SGSM2: variants seen among roughly 807,000 people sequenced by gnomAD.
SGSM2 encodes small G protein signaling modulator 2, also known as RUN and TBC1 domain containing 1.
A neutral mutation model predicts 126.6 loss-of-function variants in SGSM2; 89 were observed. The observed-to-expected ratio is 0.70, with a 90% CI of 0.59 to 0.84. SGSM2 has a LOEUF of 0.84. Among genes scored for constraint, SGSM2 ranks in the 40% least tolerant of loss-of-function variants. SGSM2 has a pLI of 0.00. For missense variants in SGSM2, 1,404 were observed against 1,416.6 expected (o/e 0.99, Z 0.14); for synonymous variants, 614 against 574.3 (o/e 1.07, Z -0.99).
At chr17:2,376,288 G>T (rs2066147034) in intron 19 of SGSM2, 27 bp downstream of exon 19, 1 of 1,602,078 alleles carries the variant, frequency 6.2e-7, no homozygotes, top group Admixed American at 1.7e-5. Flanking sequence ...GGCTCAGGGT[G>T]GGAGGCGGGA....
Position 2,373,028 on chromosome 17 carries a change from C to G in SGSM2, c.1864C>G (p.Pro622Ala). The G allele has an allele frequency of 5.0e-6, 8 of 1,606,022 alleles. No individual in the cohort carries two copies. The highest frequency in any genetic ancestry group is 5.9e-6 in the Non-Finnish European group (7 of 1,176,656). The change falls in exon 16 of 24, where the codon CCC becomes GCC. Residue 622 changes from proline to alanine, a missense_variant. Transcript: ENST00000268989. ...IEHEIRKDVW[P>A]FLLGHYKFGM... ...GCACGAGATCCGCAAGGACGTCTGG[C>G]CCTTTCTGCTTGGCCACTACAAGTT... is the stretch of plus-strand genomic sequence containing the variant.
chr17:2,351,849 C>T (rs1179514840), intron 2 of SGSM2, among the ~76,000 whole-genome samples: 5 of 152,180 alleles, frequency 3.3e-5, no homozygotes, highest in African/African-American at 4.8e-5. Flanking sequence ...AGTCCAGTTG[C>T]GAATGTTGCT....
chr17:2,378,928 CAGCCTCAGCCT>C lies in SGSM2; in HGVS notation c.2900-107_2900-97del, dbSNP rs1567854862. 2.4e-4 allele frequency: 281 copies of C among 1,178,666 alleles called. No homozygotes were observed. The African/African-American group carries it at 5.1e-3, about 21-fold the overall frequency. 73.0% of individuals were successfully genotyped at this position (1,178,666 alleles called of 1,614,324 possible). ...CCAGCATCAGCCCCAGCCCCAGCCT[CAGCCTCAGCCT>C]CAGCCCCAGCCTCAATCCCAGCCTC... is the stretch of plus-strand genomic sequence containing the variant. On this transcript the variant is annotated intron_variant, in intron 22 of 23. Transcript: ENST00000268989.
intron 2 of SGSM2, among the ~76,000 whole-genome samples, chr17:2,346,183 T>C (rs1463652106): frequency 1.3e-5 from 2 of 152,226 alleles, no homozygotes; most frequent in East Asian, 3.9e-4. Context: ...AATGGGAGTA[T>C]AGAGAACGTG....
intron 2 of SGSM2, among the ~76,000 whole-genome samples, chr17:2,344,150 G>A (rs1172965323): frequency 6.6e-6 from 1 of 152,198 alleles, no homozygotes; most frequent in African/African-American, 2.4e-5. Flanking sequence ...GCTAGGAGAG[G>A]TGGCTAAGGC....
intron 2 of SGSM2, among the ~76,000 whole-genome samples, chr17:2,360,234 C>T (rs1021157190): frequency 3.9e-5 from 6 of 152,082 alleles, no homozygotes; most frequent in African/African-American, 1.4e-4. Context: ...CTCAGCTACT[C>T]GGGAGGCTGA....
chr17:2,367,565 A>C lies in SGSM2; in HGVS notation c.1423+160A>C, dbSNP rs1369749523. 1.3e-5 allele frequency among the ~76,000 whole-genome samples: 2 copies of C among 152,096 alleles called. No homozygotes were observed. The highest frequency in any genetic ancestry group is 2.9e-5 in the Non-Finnish European group (2 of 68,008). On this transcript the variant is annotated intron_variant, in intron 12 of 23. Coordinates refer to ENST00000268989, the MANE Select transcript of SGSM2 (RefSeq NM_014853.3). The surrounding 1 kb of genome is among the most constrained non-coding windows in gnomAD (Gnocchi z 4.0). ...GGGGCAGATCAGGGAGGGCAGAAGG[A>C]GGCCAGACAGGTGCTGGCAAGAAAA...
chr17:2,364,106 T>A lies in SGSM2; in HGVS notation c.855T>A (p.Ser285=). The A allele has an allele frequency of 6.2e-7, 1 of 1,614,012 alleles. No individual in the cohort carries two copies. The highest frequency in any genetic ancestry group is 8.5e-7 in the Non-Finnish European group (1 of 1,180,008). Residue 285 remains serine (S), a synonymous_variant, in exon 8 of 24, where the codon TCT becomes TCA. Coordinates refer to ENST00000268989, the MANE Select transcript of SGSM2 (RefSeq NM_014853.3). ...AVPGYLSLHQ[S]AESLTLKWTP... ...CTGGCTACCTCTCCCTGCACCAGTC[T>A]GCAGAGAGCCTGACTCTGAAGTGGA...
At chr17:2,361,491 A>C in intron 2 of SGSM2, 146 bp from the exon 3 acceptor site, 20 of 965,244 alleles carry the variant, frequency 2.1e-5, no homozygotes, top group East Asian at 2.7e-5. Context: ...GGGGAGGGGA[A>C]TTTTGGAAGG....
chr17:2,366,896 T>C (rs2065612708), intron 11 of SGSM2: 3 of 192,252 alleles, frequency 1.6e-5, no homozygotes, highest in East Asian at 1.3e-4. Flanking sequence ...TGAGAGGAGC[T>C]AGAGAACGAT....
rs150219257 is a variant in SGSM2, at chr17:2,365,334, C to G, written c.1281C>G (p.His427Gln). The part of the protein sequence containing the change: ...VFRIIYPGHR[H>Q]EHITINYHHL... ...GGATCATCTACCCCGGCCACAGGCACGAGCACAGTGAGTGTCCCGAGCTTC... is the reference window on the plus strand; with the variant it reads ...GGATCATCTACCCCGGCCACAGGCAGGAGCACAGTGAGTGTCCCGAGCTTC... The change falls in exon 11 of 24, where the codon CAC becomes CAG. Residue 427 changes from histidine to glutamine, a missense_variant. Transcript: ENST00000268989. 4 of 1,558,386 alleles carry G rather than the reference C, an allele frequency of 2.6e-6. No homozygotes were observed. The highest frequency in any genetic ancestry group is 3.5e-6 in the Non-Finnish European group (4 of 1,149,668).
In SGSM2 at chr17:2,372,886, G is replaced by A; in HGVS notation, c.1789-67G>A. 3 of 1,530,318 alleles carry A rather than the reference G, an allele frequency of 2.0e-6. No individual in the cohort carries two copies. Among genetic ancestry groups the A allele is most frequent in the South Asian group, 1.2e-5 (1 of 80,994 alleles). 94.8% of individuals were successfully genotyped at this position (1,530,318 alleles called of 1,614,324 possible). A position where few individuals can be genotyped will look rare whatever the true frequency, so the allele number is the denominator to read the frequency against. On this transcript the variant is annotated intron_variant, in intron 15 of 23. Coordinates refer to ENST00000268989, the MANE Select transcript of SGSM2 (RefSeq NM_014853.3). This position sits in a 1 kb window ranked among gnomAD's most constrained non-coding sequence, Gnocchi z 6.0. ...CGCCCCAGCCCATTCTCCGTGGGATGGGGCTCACCCAGCTGGGCCACGGTG... is the reference window on the plus strand; with the variant it reads ...CGCCCCAGCCCATTCTCCGTGGGATAGGGCTCACCCAGCTGGGCCACGGTG...
At position 2,365,217 on chromosome 17, in the gene SGSM2, G is replaced by C; in HGVS notation, c.1164G>C (p.Gly388=). Residue 388 remains glycine, a splice_region_variant and synonymous_variant, in exon 11 of 24, where the codon GGG becomes GGC. Transcript: ENST00000268989. Reference sequence around the variant, plus strand: ...ACCACCTACCCCTCCTTCCACAGGGGAAAGTGTTCCCCAAGCTACGGAAAC... The same window carrying C: ...ACCACCTACCCCTCCTTCCACAGGGCAAAGTGTTCCCCAAGCTACGGAAAC... ...EPPLWTQQGK[G]KVFPKLRKRS... 1 of 1,611,204 alleles carries C rather than the reference G, an allele frequency of 6.2e-7. No individual in the cohort carries two copies.
At chr17:2,360,337 T>TCCCTGTCTCAA (rs894436732) in intron 2 of SGSM2, among the ~76,000 whole-genome samples, 6 of 152,032 alleles carry the variant, frequency 3.9e-5, no homozygotes, top group Admixed American at 1.3e-4. Flanking sequence ...TCAGAGTGGG[T>TCCCTGTCTCAA]CCCTGTCTCA....
chr17:2,377,650 G>C (rs2066238316), intron 21 of SGSM2: 1 of 470,590 alleles, frequency 2.1e-6, no homozygotes. Flanking sequence ...TCAGAGAGAT[G>C]GGTGATGGGA....
chr17:2,353,398 C>A (rs2064955605), intron 2 of SGSM2, among the ~76,000 whole-genome samples: 1 of 152,068 alleles, frequency 6.6e-6, no homozygotes, highest in South Asian at 2.1e-4. Flanking sequence ...GCTGGTCACC[C>A]ACTCAATTAT....
intron 12 of SGSM2, among the ~76,000 whole-genome samples, chr17:2,370,365 T>C (rs1454883494): frequency 1.3e-5 from 2 of 152,280 alleles, no homozygotes; most frequent in East Asian, 3.9e-4. Context: ...CTCTCGAGGG[T>C]CTTGAGTTCT....
At chr17:2,356,937 CCCCA>C (rs1567815184) in intron 2 of SGSM2, among the ~76,000 whole-genome samples, 1 of 141,728 alleles carries the variant, frequency 7.1e-6, no homozygotes, top group Non-Finnish European at 1.5e-5. Context: ...GGGGAAGGGA[CCCCA>C]TATCTTAGAA....
Position 2,373,509 on chromosome 17 carries a change from A to G in SGSM2, c.2096A>G (p.Asn699Ser), listed in dbSNP as rs1342172256. ...ATCCACCGAGACTCCACCATCAGCA[A>G]CGATGTGAGCCAGACGGGACCTGGA... ...RLIHRDSTIS[N>S]DVFISVDDLE... is the part of the protein sequence containing the mutation. Residue 699 changes from asparagine to serine, a missense_variant, in exon 17 of 24, where the codon AAC becomes AGC. Transcript: ENST00000268989. 1.9e-6 allele frequency: 3 copies of G among 1,601,850 alleles called. No homozygotes were observed. The highest frequency in any genetic ancestry group is 4.5e-5 in the East Asian group (2 of 44,784).
Sources: gnomAD v4.1 joint callset for allele counts (sites outside exome capture counted in the v4.1 genomes callset) on GRCh38, gnomAD v4.1.1 for gene constraint, Gnocchi (gnomAD v3.1) non-coding constraint, MANE v1.5 for transcripts, NCBI Gene and HGNC (gene_info 2026-07-23, HGNC 2026-07-21) for gene names.